Variants in ANO1 observed in about 807,000 individuals in gnomAD.
ANO1 encodes anoctamin-1.
In ANO1, 59 loss-of-function variants were observed where a neutral mutation model predicts 124.0. The ratio of observed to expected loss-of-function variants is 0.48; its 90% CI spans 0.39 to 0.59. The LOEUF is 0.59. ANO1 is among the 20% of genes least tolerant of loss of function. The pLI is 0.00. For missense variants in ANO1, 1,059 were observed against 1,328.0 expected, an observed-to-expected ratio of 0.80 and a Z score of 3.15; for synonymous variants, 529 against 532.0, an observed-to-expected ratio of 0.99 and a Z score of 0.08.
intron 3 of ANO1, among the ~76,000 whole-genome samples, 178 bp from the exon 4 acceptor site, chr11:70,103,819 ACT>A (rs1180786093): frequency 6.6e-6 from 1 of 151,166 alleles, no homozygotes; most frequent in African/African-American, 2.4e-5. Flanking sequence ...CGCTCCTGAA[ACT>A]CTGGGCTTTC....
At chr11:70,180,657 TGGGAAGACAGAGACAGAGATAGGA>T (rs374980561) in intron 23 of ANO1, among the ~76,000 whole-genome samples, 9 of 149,720 alleles carry the variant, frequency 6.0e-5, no homozygotes, top group Admixed American at 1.3e-4. Context: ...CAGAGATAGG[TGGGAAGACAGAGACAGAGATAGGA>T]GGGAAGACAG....
chr11:70,130,976 T>A (rs749525682), intron 10 of ANO1, among the ~76,000 whole-genome samples: 1 of 152,236 alleles, frequency 6.6e-6, no homozygotes, highest in Non-Finnish European at 1.5e-5. Flanking sequence ...GAACCGCTCA[T>A]AGACGGCGCC....
chr11:70,037,637 G>A lies in ANO1; in HGVS notation c.59-40905G>A, dbSNP rs78353548. On this transcript the variant is annotated intron_variant, in intron 1 of 27. Transcript: ENST00000531349. ...CAGCTGAGGGGTCCCTGGGAGAGGC[G>A]CTCCCTGAGCCTCAGCTTTGACTTC... Among the ~76,000 whole-genome samples the A allele has an allele frequency of 1.1e-3, 167 of 152,166 alleles. 1 individual carries two copies. Among genetic ancestry groups the A allele is most frequent in the East Asian group, 7.0e-3 (36 of 5,140 alleles).
chr11:70,161,074 G>A (rs1342257456), intron 16 of ANO1, 87 bp from the exon 17 acceptor site: 4 of 1,247,694 alleles, frequency 3.2e-6, no homozygotes, highest in Non-Finnish European at 4.4e-6. Flanking sequence ...AAGGTTGGGG[G>A]ACAGCTGGAC....
chr11:70,027,096 C>A (rs1555003320), intron 1 of ANO1, among the ~76,000 whole-genome samples: 1 of 152,234 alleles, frequency 6.6e-6, no homozygotes, highest in Non-Finnish European at 1.5e-5. Flanking sequence ...ACTTTCTATG[C>A]ACTTTGCCTG....
chr11:70,069,304 G>T (rs1442734386), intron 1 of ANO1, among the ~76,000 whole-genome samples: 1 of 152,194 alleles, frequency 6.6e-6, no homozygotes, highest in Non-Finnish European at 1.5e-5. Flanking sequence ...TCCCTCTAAG[G>T]TTGGAGGAAA....
the ANO1 span, among the ~76,000 whole-genome samples, chr11:69,980,819 C>T: frequency 2.6e-5 from 4 of 151,952 alleles, no homozygotes; most frequent in Admixed American, 2.6e-4. Context: ...TTTGGGAGGC[C>T]AAGGCGGGCA....
At chr11:70,006,659 CTTTCTTT>C (rs1565158834) in intron 1 of ANO1, among the ~76,000 whole-genome samples, 21 of 74,266 alleles carry the variant, frequency 2.8e-4, no homozygotes, top group South Asian at 2.1e-3. Context: ...TTTCTTTCTT[CTTTCTTT>C]TTTTTTTTTT....
chr11:70,014,267 C>T (rs1299208158), intron 1 of ANO1, among the ~76,000 whole-genome samples: 2 of 103,352 alleles, frequency 1.9e-5, no homozygotes, highest in Admixed American at 1.1e-4. Context: ...ATTGCAACCC[C>T]CCCACCCCCC....
chr11:70,114,637 G>A (rs1457177234), intron 7 of ANO1, among the ~76,000 whole-genome samples: 3 of 152,162 alleles, frequency 2.0e-5, no homozygotes, highest in Non-Finnish European at 2.9e-5. Context: ...GGTGGCTCAC[G>A]CCTGCAATCA....
chr11:70,019,493 C>T (rs1856763388), intron 1 of ANO1, among the ~76,000 whole-genome samples: 1 of 152,146 alleles, frequency 6.6e-6, no homozygotes, highest in South Asian at 2.1e-4. Context: ...TCAGACCTGC[C>T]CTCTGGGTGT....
At position 70,095,319 on chromosome 11, in the gene ANO1, AG is replaced by A. The variant is rs1401428066; in HGVS notation, c.441+7237del. Among the ~76,000 whole-genome samples the A allele has an allele frequency of 8.5e-3, 844 of 98,948 alleles. 118 individuals are homozygous for A. The highest frequency in any genetic ancestry group is 0.027 in the African/African-American group (713 of 26,330). 64.9% of individuals were successfully genotyped at this position (98,948 alleles called of 152,430 possible). ...AGGAAGGAAAGAAAGAAAGAAAGAA[AG>A]GAAAGAAAGAAAGGAAAGAGAAAGA... On this transcript the variant is annotated intron_variant, in intron 2 of 25. Coordinates refer to ENST00000355303, the MANE Select transcript of ANO1 (RefSeq NM_018043.7).
intron 2 of ANO1, among the ~76,000 whole-genome samples, chr11:70,099,638 T>C (rs375176680): frequency 3.9e-5 from 6 of 152,154 alleles, no homozygotes; most frequent in Admixed American, 3.9e-4. Context: ...CCAGCCTCAG[T>C]GCCCTCCGTG....
At chr11:70,155,418 T>C (rs2047770300) in intron 14 of ANO1, among the ~76,000 whole-genome samples, 1 of 152,198 alleles carries the variant, frequency 6.6e-6, no homozygotes, top group African/African-American at 2.4e-5. Context: ...GTACCCTTTA[T>C]TTCCTCCTCT....
At chr11:70,097,726 C>T (rs551861093) in intron 2 of ANO1, among the ~76,000 whole-genome samples, 4 of 152,304 alleles carry the variant, frequency 2.6e-5, no homozygotes, top group Admixed American at 6.5e-5. Context: ...GTCTGAAAGC[C>T]GGGGCTGTCC....
intron 1 of ANO1, among the ~76,000 whole-genome samples, chr11:70,049,050 T>A (rs1032588603): frequency 6.6e-6 from 1 of 152,160 alleles, no homozygotes; most frequent in Admixed American, 6.5e-5. Context: ...CAATTGCCAA[T>A]GATGCTGGCC....
At chr11:70,125,852 AC>A (rs60749334) in intron 9 of ANO1, among the ~76,000 whole-genome samples, 71,762 of 136,616 alleles carry the variant, frequency 0.53, 18,620 homozygotes, top group Middle Eastern at 0.69. Flanking sequence ...TCAAAAAAAA[AC>A]AAAAAAAGAG....
chr11:70,069,276 C>T (rs1044124427), intron 1 of ANO1, among the ~76,000 whole-genome samples: 1 of 152,184 alleles, frequency 6.6e-6, no homozygotes, highest in Non-Finnish European at 1.5e-5. Context: ...CCAGAAGGAA[C>T]CTGTGGCTTT....
At chr11:69,966,657 G>A in the ANO1 span, among the ~76,000 whole-genome samples, 1 of 152,166 alleles carries the variant, frequency 6.6e-6, no homozygotes, top group South Asian at 2.1e-4. Context: ...TAAGGATGGG[G>A]TTGGGGCGTT....
Sources: gnomAD v4.1 joint callset for allele counts (sites outside exome capture counted in the v4.1 genomes callset) on GRCh38, gnomAD v4.1.1 for gene constraint, MANE v1.5 for transcripts, NCBI Gene and HGNC (gene_info 2026-07-23, HGNC 2026-07-21) for gene names.